PCLO: variants seen among roughly 807,000 people sequenced by gnomAD.
PCLO encodes protein piccolo.
A neutral mutation model predicts 427.5 loss-of-function variants in PCLO; 82 were observed. That is an observed-to-expected ratio of 0.19 (90% CI 0.16 to 0.23). The LOEUF (loss-of-function observed/expected upper bound fraction) is 0.23. Among genes scored for constraint, PCLO ranks in the 10% least tolerant of loss-of-function variants. PCLO has a pLI of 1.00. For synonymous variants in PCLO, 2,357 were observed against 2,155.4 expected (o/e 1.09, Z -2.59); for missense variants, 6,239 against 6,115.9 (o/e 1.02, Z -0.67).
intron 1 of PCLO, 127 bp downstream of exon 1, chr7:83,162,218 C>G: frequency 8.9e-7 from 1 of 1,125,092 alleles, no homozygotes; most frequent in Non-Finnish European, 1.2e-6. Flanking sequence ...ATGGCCACCC[C>G]ACTGGGGAGA....
chr7:82,954,343 C>T lies in PCLO; in HGVS notation c.6610G>A (p.Asp2204Asn), dbSNP rs1795450496. ...TCTGTATAAACTGTGGTTATGCTAT[C>T]CAGGGTAGTAATGGGTGAAGAGCTA... ...TDSSSPITTLDSITTVYTEPV... is the reference protein window; with the variant it reads ...TDSSSPITTLNSITTVYTEPV... The change falls in exon 5 of 25, where the codon GAT (aspartate) becomes AAT (asparagine). Residue 2204 changes from aspartate (D) to asparagine (N), a missense_variant. Asp to Asn is a conservative substitution (Grantham distance 23, BLOSUM62 1). Around this residue, in one of 5 missense-constraint regions of PCLO, gnomAD observed 4,677 missense variants for 4,468.4 expected, o/e 1.05. Coordinates refer to ENST00000333891, the MANE Select transcript of PCLO (RefSeq NM_033026.6). 3.1e-6 allele frequency: 5 copies of T among 1,613,592 alleles called. No homozygotes were observed. The highest frequency in any genetic ancestry group is 1.3e-5 in the African/African-American group (1 of 74,852).
chr7:82,850,576 T>C (rs1267076063), intron 10 of PCLO, among the ~76,000 whole-genome samples: 1 of 152,170 alleles, frequency 6.6e-6, no homozygotes, highest in Non-Finnish European at 1.5e-5. Context: ...TGTTATTTCT[T>C]GATCTATATT....
At chr7:83,133,404 T>C (rs1375292883) in intron 3 of PCLO, among the ~76,000 whole-genome samples, 2 of 152,050 alleles carry the variant, frequency 1.3e-5, no homozygotes, top group Non-Finnish European at 2.9e-5. Flanking sequence ...AGTAATTGTT[T>C]AACCCTCTAG....
At chr7:82,975,831 T>C (rs1796004396) in intron 3 of PCLO, among the ~76,000 whole-genome samples, 1 of 152,090 alleles carries the variant, frequency 6.6e-6, no homozygotes, top group Non-Finnish European at 1.5e-5. Context: ...GACCTGATGG[T>C]TTAAAAGTGG....
rs549627347 is a variant in PCLO at position 82,806,523 on chromosome 7, G to A, written c.14792-694C>T. ...ACAAATTTGTGCAATAAATTATGCA[G>A]TAGGGGTATAGTACTAATATTGTTG... On this transcript the variant is annotated intron_variant, in intron 20 of 24. Coordinates refer to ENST00000333891, the MANE Select transcript of PCLO (RefSeq NM_033026.6). 1.1e-4 allele frequency among the ~76,000 whole-genome samples: 16 copies of A among 152,268 alleles called. No homozygotes were observed. The South Asian group carries it at 3.1e-3, about 30-fold the overall frequency.
rs111247953 is a variant in PCLO, at chr7:82,934,360, C to T, written c.11112+15116G>A. Among the ~76,000 whole-genome samples, 859 of 151,900 alleles carry T rather than the reference C, an allele frequency of 5.7e-3. 6 individuals carry two copies. The highest frequency in any genetic ancestry group is 0.016 in the African/African-American group (668 of 41,516). On this transcript the variant is annotated intron_variant, in intron 6 of 24. Transcript: ENST00000333891. ...ATTAAACTGTGTATGGATCCACTCA[C>T]CTAGGCTTCATTTTATACCTCAAAT...
At chr7:82,937,170 T>C (rs1451749143) in intron 6 of PCLO, among the ~76,000 whole-genome samples, 6 of 151,724 alleles carry the variant, frequency 4.0e-5, no homozygotes, top group African/African-American at 1.2e-4. Context: ...TCGCCTCAAT[T>C]AAAATAGCAG....
chr7:83,158,609 T>C (rs566016703), intron 1 of PCLO, among the ~76,000 whole-genome samples: 30 of 152,008 alleles, frequency 2.0e-4, no homozygotes, highest in Non-Finnish European at 8.8e-5. Flanking sequence ...AATATTTCAC[T>C]TAATCCATCA....
chr7:83,058,340 C>T (rs905592570), intron 3 of PCLO, among the ~76,000 whole-genome samples: 3 of 152,080 alleles, frequency 2.0e-5, no homozygotes, highest in Non-Finnish European at 4.4e-5. Flanking sequence ...AGTCAAAGTG[C>T]AGTACATTTT....
rs1378054082 is a variant in PCLO, at chr7:82,838,273, C to G, written c.14167G>C (p.Asp4723His). The G allele has an allele frequency of 6.3e-7, 1 of 1,586,220 alleles. No homozygotes were observed. The highest frequency in any genetic ancestry group is 8.6e-7 in the Non-Finnish European group (1 of 1,159,786). Residue 4723 changes from aspartate to histidine, a missense_variant, in exon 15 of 25, where the codon GAC (aspartate) becomes CAC (histidine). By Grantham distance (81) the Asp-to-His change is moderately conservative. Transcript: ENST00000333891. Reference sequence around the variant, plus strand: ...AAAGGGTCAGAATAACCATTGTTGTCTCGAGGAACAAGATTTCTTGCTTGG... The same window carrying G: ...AAAGGGTCAGAATAACCATTGTTGTGTCGAGGAACAAGATTTCTTGCTTGG... ...ILQARNLVPRDNNGYSDPFVK... is the reference protein window; with the variant it reads ...ILQARNLVPRHNNGYSDPFVK...
intron 3 of PCLO, among the ~76,000 whole-genome samples, chr7:82,993,568 C>CT (rs909621675): frequency 5.0e-4 from 75 of 150,930 alleles, no homozygotes; most frequent in South Asian, 2.9e-3. Context: ...GCAAATGAGA[C>CT]TTTTTTTTTA....
chr7:83,086,150 C>T (rs571479406), intron 3 of PCLO, among the ~76,000 whole-genome samples: 2 of 133,654 alleles, frequency 1.5e-5, no homozygotes, highest in South Asian at 2.5e-4. Context: ...TGCGCTGTCG[C>T]CCAGGCTGGA....
At chr7:83,105,999 C>T (rs1458069309) in intron 3 of PCLO, among the ~76,000 whole-genome samples, 1 of 152,168 alleles carries the variant, frequency 6.6e-6, no homozygotes, top group Non-Finnish European at 1.5e-5. Flanking sequence ...GTTAGAGAAA[C>T]ATTTCAAAAC....
intron 3 of PCLO, among the ~76,000 whole-genome samples, chr7:83,049,594 G>T (rs1789184551): frequency 6.6e-6 from 1 of 152,060 alleles, no homozygotes; most frequent in Admixed American, 6.6e-5. Context: ...TAGGGTCTGG[G>T]GGCTTTGTGA....
At chr7:82,920,834 G>A (rs1794578471) in intron 6 of PCLO, among the ~76,000 whole-genome samples, 1 of 151,564 alleles carries the variant, frequency 6.6e-6, no homozygotes, top group Non-Finnish European at 1.5e-5. Flanking sequence ...CTCAACATGA[G>A]GATGAGAAAA....
intron 6 of PCLO, among the ~76,000 whole-genome samples, chr7:82,931,140 A>G (rs760384946): frequency 2.6e-5 from 4 of 152,106 alleles, no homozygotes; most frequent in Non-Finnish European, 5.9e-5. Flanking sequence ...ACTTATATTA[A>G]CTTATTTTAA....
rs1160658738 is a variant in PCLO, at chr7:82,950,318, C to T, written c.10270G>A (p.Asp3424Asn). 6.2e-7 allele frequency: 1 copy of T among 1,613,536 alleles called. No individual in the cohort carries two copies. Reference sequence around the variant, plus strand: ...TCTGTCATATTTTCTCCCATGTCATCATACTGTCCTCGGACTTTAGCTCCA... The same window carrying T: ...TCTGTCATATTTTCTCCCATGTCATTATACTGTCCTCGGACTTTAGCTCCA... ...SSGAKVRGQY[D>N]DMGENMTDDP... The change falls in exon 6 of 25, where the codon GAT (aspartate) becomes AAT (asparagine). Residue 3424 changes from aspartate (D) to asparagine (N), a missense_variant. By Grantham distance (23) the Asp-to-Asn change is conservative (BLOSUM62 1). This residue lies in a region of PCLO where 4,677 missense variants were observed against 4,468.4 expected (regional missense o/e 1.05). Coordinates refer to ENST00000333891, the MANE Select transcript of PCLO (RefSeq NM_033026.6).
At chr7:82,823,571 A>T (rs2115654449) in intron 19 of PCLO, among the ~76,000 whole-genome samples, 1 of 152,268 alleles carries the variant, frequency 6.6e-6, no homozygotes, top group Non-Finnish European at 1.5e-5. Flanking sequence ...TTGGTTATGA[A>T]CCTCTCAAAG....
intron 3 of PCLO, among the ~76,000 whole-genome samples, chr7:83,084,720 T>G (rs528808571): frequency 6.6e-6 from 1 of 152,302 alleles, no homozygotes; most frequent in African/African-American, 2.4e-5. Context: ...ACACATACTT[T>G]AAAAAACAAA....
Sources: allele counts gnomAD v4.1 joint callset (sites outside exome capture counted in the v4.1 genomes callset), GRCh38; gene constraint gnomAD v4.1.1; regional missense constraint gnomAD v4.1.1; transcripts MANE v1.5; gene names NCBI Gene and HGNC (gene_info 2026-07-23, HGNC 2026-07-21).